The following ELOC variants were observed in gnomAD, a reference collection of about 807,000 sequenced individuals.
ELOC encodes the protein elongin C.
For synonymous variants in ELOC, 40 were observed against 51.3 expected (o/e 0.78, Z 0.94); for missense variants, 38 against 139.0 (o/e 0.27, Z 3.65).
At chr8:73,969,973 C>G (rs1815244518) in intron 1 of ELOC, among the ~76,000 whole-genome samples, 2 of 152,230 alleles carry the variant, frequency 1.3e-5, no homozygotes, top group South Asian at 4.1e-4. Flanking sequence ...AGCAGTTTAG[C>G]TGAAATGCAT....
At chr8:73,971,348 C>A (rs1170123568) in intron 1 of ELOC, among the ~76,000 whole-genome samples, 1 of 152,184 alleles carries the variant, frequency 6.6e-6, no homozygotes, top group Non-Finnish European at 1.5e-5. Flanking sequence ...TTGCAGCAAG[C>A]TGAAAACGAA....
intron 1 of ELOC, among the ~76,000 whole-genome samples, chr8:73,965,078 GA>G (rs1176371671): frequency 7.9e-6 from 1 of 126,390 alleles, no homozygotes. Flanking sequence ...AAAGAAAAAT[GA>G]AAAAAATGAA....
At chr8:73,955,758 C>G (rs1563676912) in intron 3 of ELOC, 153 bp downstream of exon 3, 1 of 909,544 alleles carries the variant, frequency 1.1e-6, no homozygotes, top group Non-Finnish European at 1.7e-6. Flanking sequence ...GAATGAGACT[C>G]TGTCTCTCTC....
At chr8:73,960,193 G>GA (rs571511598) in intron 1 of ELOC, among the ~76,000 whole-genome samples, 1 of 152,244 alleles carries the variant, frequency 6.6e-6, no homozygotes, top group African/African-American at 2.4e-5. Context: ...TAATTATCGA[G>GA]AAAAAACTGC....
At chr8:73,955,293 AC>A (rs1814085689) in intron 3 of ELOC, among the ~76,000 whole-genome samples, 1 of 151,948 alleles carries the variant, frequency 6.6e-6, no homozygotes, top group African/African-American at 2.4e-5. Context: ...ACATGGTGAA[AC>A]CCCATCTCTA....
chr8:73,951,883 A>G (rs182054869), intron 3 of ELOC, among the ~76,000 whole-genome samples: 5 of 152,330 alleles, frequency 3.3e-5, no homozygotes, highest in African/African-American at 4.8e-5. Context: ...AAATACACAA[A>G]TCTACAGTCA....
chr8:73,951,401 C>T (rs1420236823), intron 3 of ELOC, among the ~76,000 whole-genome samples: 1 of 152,074 alleles, frequency 6.6e-6, no homozygotes, highest in Non-Finnish European at 1.5e-5. Context: ...CACAGTGGCT[C>T]ACACCTGTAA....
rs1814462860 is a variant in ELOC at position 73,959,704 on chromosome 8, T to A, written c.4+61A>T. On this transcript the variant is annotated intron_variant, in intron 2 of 3. Transcript: ENST00000520242. ...ACTTGTGTTCACTGAATTTTAAAGA[T>A]CTTTGAAACAAAGTCCAGTTTCTAC... is the stretch of plus-strand genomic sequence containing the variant. The A allele has an allele frequency of 7.8e-6, 11 of 1,418,392 alleles. No homozygotes were observed. The South Asian group carries it at 1.5e-4, about 19-fold the overall frequency. The allele number at this position is 1,418,392 out of a possible 1,614,324, so 87.9% of individuals were successfully genotyped here. A position where few individuals can be genotyped will look rare whatever the true frequency, so the allele number is the denominator to read the frequency against.
chr8:73,946,889 T>C, intron 3 of ELOC, 69 bp from the exon 4 acceptor site: 2 of 1,297,620 alleles, frequency 1.5e-6, no homozygotes, highest in Non-Finnish European at 2.2e-6. Context: ...GTTGAAGTCT[T>C]AACCCCTTGT....
chr8:73,959,634 A>G (rs1362680898), intron 2 of ELOC, 131 bp downstream of exon 2: 1 of 684,530 alleles, frequency 1.5e-6, no homozygotes, highest in Admixed American at 3.5e-5. Context: ...TGTAGTAAAC[A>G]TAAGCTGTTG....
chr8:73,954,538 C>A (rs1814012301), intron 3 of ELOC, among the ~76,000 whole-genome samples: 1 of 151,370 alleles, frequency 6.6e-6, no homozygotes, highest in Admixed American at 6.6e-5. Context: ...CCTGTAGTCC[C>A]AGACTTGGGA....
intron 1 of ELOC, among the ~76,000 whole-genome samples, chr8:73,961,681 T>C (rs536170109): frequency 6.6e-6 from 1 of 152,188 alleles, no homozygotes; most frequent in Admixed American, 6.5e-5. Context: ...GCCTGGCTAA[T>C]TTTTGTATTT....
chr8:73,956,261 T>C (rs957731456), intron 2 of ELOC, among the ~76,000 whole-genome samples: 2 of 152,004 alleles, frequency 1.3e-5, no homozygotes, highest in African/African-American at 4.8e-5. Context: ...GGCGCACACA[T>C]GTAATCTCAG....
intron 2 of ELOC, among the ~76,000 whole-genome samples, chr8:73,957,293 G>A (rs1012776769): frequency 6.6e-6 from 1 of 152,022 alleles, no homozygotes; most frequent in Non-Finnish European, 1.5e-5. Context: ...AGGAGACAGA[G>A]TGCACAGATG....
At chr8:73,959,091 AGGG>A (rs1814411156) in intron 2 of ELOC, among the ~76,000 whole-genome samples, 1 of 152,212 alleles carries the variant, frequency 6.6e-6, no homozygotes, top group Non-Finnish European at 1.5e-5. Context: ...ATACCTGTAT[AGGG>A]CACTCACGAT....
intron 3 of ELOC, chr8:73,955,662 C>T: frequency 2.3e-6 from 1 of 440,232 alleles, no homozygotes; most frequent in Non-Finnish European, 4.1e-6. Context: ...ATTCCAGCTA[C>T]TCTGAGGCAG....
chr8:73,968,591 T>C (rs1815150746), intron 1 of ELOC, among the ~76,000 whole-genome samples: 1 of 152,268 alleles, frequency 6.6e-6, no homozygotes, highest in Non-Finnish European at 1.5e-5. Context: ...TTCAGTTGCC[T>C]TGTCTCTCCA....
intron 3 of ELOC, among the ~76,000 whole-genome samples, chr8:73,954,684 G>A (rs72661846): frequency 0.23 from 34,857 of 149,964 alleles, 4,369 homozygotes; most frequent in Non-Finnish European, 0.29. Flanking sequence ...AGATTTGGAA[G>A]GTAGCAACTT....
Position 73,946,842 on chromosome 8 carries a change from T to C in ELOC, c.149-22A>G, listed in dbSNP as rs1483375248. ...TGACCTGTAAAACAAAAGAATTATG[T>C]ATGTTATTGGCTGAATTGTGTCCTC... On this transcript the variant is annotated intron_variant, in intron 3 of 3. Transcript: ENST00000520242. The C allele has an allele frequency of 2.5e-6, 4 of 1,597,878 alleles. No individual in the cohort carries two copies. In the South Asian group the frequency reaches 4.5e-5, roughly 18 times the overall value.
Sources: allele counts gnomAD v4.1 joint callset (sites outside exome capture counted in the v4.1 genomes callset), GRCh38; gene constraint gnomAD v4.1.1; transcripts MANE v1.5; gene names NCBI Gene and HGNC (gene_info 2026-07-23, HGNC 2026-07-21).